COG5: variants seen among roughly 807,000 people sequenced by gnomAD.
The protein encoded by COG5 is component of oligomeric golgi complex 5.
In COG5, 86 loss-of-function variants were observed where a neutral mutation model predicts 110.4. That is an observed-to-expected ratio of 0.78 (90% CI 0.65 to 0.93). The LOEUF (loss-of-function observed/expected upper bound fraction) is 0.93. COG5 is among the 40% of genes least tolerant of loss of function. The probability of loss-of-function intolerance (pLI) is 0.00; values close to 1 mark genes in which losing one functional copy is unlikely to be tolerated. For missense variants in COG5, 1,077 were observed against 987.0 expected, an observed-to-expected ratio of 1.09 and a Z score of -1.22; for synonymous variants, 360 against 334.6, an observed-to-expected ratio of 1.08 and a Z score of -0.83.
chr7:107,555,565 T>C (rs926832248), intron 2 of COG5, among the ~76,000 whole-genome samples: 9 of 152,256 alleles, frequency 5.9e-5, no homozygotes, highest in Non-Finnish European at 1.2e-4. Context: ...GTCATCAATA[T>C]GTCCATCTTA....
chr7:107,387,548 G>C (rs368511610), intron 7 of COG5, among the ~76,000 whole-genome samples: 1 of 152,252 alleles, frequency 6.6e-6, no homozygotes, highest in African/African-American at 2.4e-5. Context: ...ACCTATTTCT[G>C]ATGATGGCCA....
intron 6 of COG5, among the ~76,000 whole-genome samples, chr7:107,504,278 C>A (rs1798824844): frequency 1.3e-5 from 2 of 152,032 alleles, no homozygotes; most frequent in African/African-American, 4.8e-5. Flanking sequence ...ATTTATAATT[C>A]TGTTTATGTG....
At chr7:107,415,021 C>T (rs535043345) in intron 6 of COG5, among the ~76,000 whole-genome samples, 1 of 151,882 alleles carries the variant, frequency 6.6e-6, no homozygotes, top group East Asian at 1.9e-4. Context: ...CCACCATGCC[C>T]GGCCCACTGT....
At chr7:107,311,249 G>A (rs1808217137) in intron 11 of COG5, among the ~76,000 whole-genome samples, 1 of 152,026 alleles carries the variant, frequency 6.6e-6, no homozygotes, top group Non-Finnish European at 1.5e-5. Flanking sequence ...TTTCCTCACG[G>A]GCTTGCCAAT....
At chr7:107,369,785 G>A (rs527330958) in intron 8 of COG5, among the ~76,000 whole-genome samples, 1 of 152,272 alleles carries the variant, frequency 6.6e-6, no homozygotes, top group African/African-American at 2.4e-5. Flanking sequence ...CCACCTTAGA[G>A]ATAAAATTGA....
At chr7:107,459,926 C>T (rs1795886717) in intron 6 of COG5, among the ~76,000 whole-genome samples, 1 of 151,950 alleles carries the variant, frequency 6.6e-6, no homozygotes, top group Admixed American at 6.6e-5. Context: ...TGAGAGAAAG[C>T]ACATTATTTT....
chr7:107,306,596 A>G (rs1274450149), intron 11 of COG5, among the ~76,000 whole-genome samples: 1 of 152,154 alleles, frequency 6.6e-6, no homozygotes, highest in Non-Finnish European at 1.5e-5. Flanking sequence ...TTGGTTTTCT[A>G]TTGTTTCTCC....
intron 7 of COG5, 112 bp from the exon 8 acceptor site, chr7:107,372,872 C>T (rs975509258): frequency 3.4e-6 from 3 of 892,302 alleles, no homozygotes; most frequent in Non-Finnish European, 5.1e-6. Flanking sequence ...TATTTAAATA[C>T]TACCATATTT....
chr7:107,553,362 A>G (rs1356698283), intron 3 of COG5, among the ~76,000 whole-genome samples: 1 of 152,238 alleles, frequency 6.6e-6, no homozygotes, highest in African/African-American at 2.4e-5. Context: ...ATAACAAACT[A>G]TTATTTCCAA....
chr7:107,406,165 G>A (rs534200522), intron 7 of COG5, among the ~76,000 whole-genome samples: 3 of 152,108 alleles, frequency 2.0e-5, no homozygotes, highest in Non-Finnish European at 4.4e-5. Context: ...GATACATATG[G>A]CCTTACAGGG....
intron 8 of COG5, among the ~76,000 whole-genome samples, chr7:107,363,847 C>T (rs985791204): frequency 1.3e-5 from 2 of 151,492 alleles, no homozygotes; most frequent in Non-Finnish European, 1.5e-5. Context: ...TCTAGCTACT[C>T]GGGAGGCTGA....
At chr7:107,364,764 T>G (rs1034185654) in intron 8 of COG5, among the ~76,000 whole-genome samples, 1 of 152,156 alleles carries the variant, frequency 6.6e-6, no homozygotes, top group African/African-American at 2.4e-5. Flanking sequence ...ACATGTACCT[T>G]TAGCAAACAG....
chr7:107,302,465 AG>A (rs1205706108), intron 11 of COG5, among the ~76,000 whole-genome samples: 2 of 152,146 alleles, frequency 1.3e-5, no homozygotes, highest in Non-Finnish European at 1.5e-5. Context: ...TGATGATTTC[AG>A]GGGTGTACTC....
At position 107,541,513 on chromosome 7, in the gene COG5, A is replaced by ATATATATAT. The variant is rs1584948575; in HGVS notation, c.417+6597_417+6598insATATATATA. On this transcript the variant is annotated intron_variant, in intron 5 of 21. Transcript: ENST00000297135. Reference sequence around the variant, plus strand: ...CCCTGTCTCAAAAAAAAAAAAAAAAAAAAAAAAAAAATATATATATATATA... The same window carrying ATATATATAT: ...CCCTGTCTCAAAAAAAAAAAAAAAAATATATATATAAAAAAAAAAATATATATATATATA... Among the ~76,000 whole-genome samples the ATATATATAT allele has an allele frequency of 4.1e-5, 4 of 98,112 alleles. No homozygotes were observed. In the East Asian group the frequency reaches 8.5e-4, roughly 21 times the overall value. The allele number at this position is 98,112 out of a possible 152,430, so 64.4% of individuals were successfully genotyped here.
intron 11 of COG5, among the ~76,000 whole-genome samples, chr7:107,312,903 T>G (rs1339273398): frequency 6.6e-6 from 1 of 152,040 alleles, no homozygotes; most frequent in Non-Finnish European, 1.5e-5. Context: ...AGTGAAAAAT[T>G]AGAAACTGAA....
chr7:107,329,540 A>G (rs1375683366), intron 10 of COG5, among the ~76,000 whole-genome samples: 6 of 152,166 alleles, frequency 3.9e-5, no homozygotes, highest in East Asian at 1.9e-4. Context: ...TAGTAAATCT[A>G]TATCTCCTAC....
At chr7:107,371,306 T>C (rs1171124588) in intron 8 of COG5, among the ~76,000 whole-genome samples, 1 of 152,094 alleles carries the variant, frequency 6.6e-6, no homozygotes, top group Admixed American at 6.6e-5. Context: ...ATAAAAATAA[T>C]AGGCCAGGCA....
chr7:107,415,401 G>A (rs1792647604), intron 6 of COG5, among the ~76,000 whole-genome samples: 1 of 152,106 alleles, frequency 6.6e-6, no homozygotes. Flanking sequence ...AGAAGGCAGA[G>A]CATTGCCATT....
chr7:107,511,319 C>T (rs1799491527), intron 6 of COG5, among the ~76,000 whole-genome samples: 1 of 152,174 alleles, frequency 6.6e-6, no homozygotes, highest in South Asian at 2.1e-4. Flanking sequence ...TTCCTCGACA[C>T]ATACACCATC....
Sources: gnomAD v4.1 joint callset for allele counts (sites outside exome capture counted in the v4.1 genomes callset) on GRCh38, gnomAD v4.1.1 for gene constraint, MANE v1.5 for transcripts, NCBI Gene and HGNC (gene_info 2026-07-23, HGNC 2026-07-21) for gene names.